Variants in KCNG3 observed in about 807,000 individuals in gnomAD.
KCNG3 encodes the protein potassium voltage-gated channel modifier subfamily G member 3, also known as voltage-gated potassium channel regulatory subunit KCNG3.
KCNG3 carries 15 observed loss-of-function variants against 29.0 expected under a neutral mutation model. The ratio of observed to expected loss-of-function variants is 0.52; its 90% CI spans 0.35 to 0.80. The LOEUF (loss-of-function observed/expected upper bound fraction) is 0.80, where lower values mean the gene tolerates loss of function less well. Among genes scored for constraint, KCNG3 ranks in the 30% least tolerant of loss-of-function variants. The pLI, the probability that KCNG3 is intolerant of heterozygous loss-of-function variation, is 0.01. For synonymous variants in KCNG3, 322 were observed against 248.9 expected (o/e 1.29, Z -2.76); for missense variants, 512 against 605.7 (o/e 0.85, Z 1.62).
the KCNG3 span, among the ~76,000 whole-genome samples, chr2:42,398,115 C>T: frequency 6.6e-6 from 1 of 151,804 alleles, no homozygotes; most frequent in Non-Finnish European, 1.5e-5. Context: ...TCCAGCTACT[C>T]GGAAGGCTGA....
the KCNG3 span, among the ~76,000 whole-genome samples, chr2:42,404,022 T>C: frequency 6.6e-6 from 1 of 152,362 alleles, no homozygotes; most frequent in South Asian, 2.1e-4. Context: ...CTATTTTTCT[T>C]TTCTCTGGAA....
the KCNG3 span, among the ~76,000 whole-genome samples, chr2:42,421,691 G>A: frequency 6.6e-6 from 1 of 152,100 alleles, no homozygotes; most frequent in African/African-American, 2.4e-5. Context: ...TGCAAATGGA[G>A]AACAGAGCAA....
intron 1 of KCNG3, among the ~76,000 whole-genome samples, chr2:42,476,390 T>C (rs137979901): frequency 2.2e-4 from 33 of 152,068 alleles, no homozygotes; most frequent in African/African-American, 4.6e-4. Context: ...AGTGGGAGGA[T>C]TGCCTGAGCC....
chr2:42,404,362 G>A, the KCNG3 span, among the ~76,000 whole-genome samples: 1 of 152,196 alleles, frequency 6.6e-6, no homozygotes, highest in African/African-American at 2.4e-5. Context: ...GACAAGGCTA[G>A]AGAAGTGAGC....
At chr2:42,489,680 GGCTAGGCATTGCACAGTAAGGGACAT>G (rs1275155292) in intron 1 of KCNG3, among the ~76,000 whole-genome samples, 13 of 145,710 alleles carry the variant, frequency 8.9e-5, no homozygotes, top group African/African-American at 2.8e-4. Context: ...AATTTCAGCA[GGCTAGGCATTGCACAGTAAGGGACAT>G]TTGAGTGGCT....
chr2:42,406,398 T>C, the KCNG3 span, among the ~76,000 whole-genome samples: 1 of 151,476 alleles, frequency 6.6e-6, no homozygotes, highest in South Asian at 2.1e-4. Context: ...TTCGTATTTT[T>C]AGTAGAGATG....
intron 1 of KCNG3, among the ~76,000 whole-genome samples, chr2:42,458,990 A>C (rs560637506): frequency 4.6e-5 from 7 of 152,248 alleles, no homozygotes; most frequent in African/African-American, 1.4e-4. Flanking sequence ...TGAGGTCAGG[A>C]GTTCAAGACG....
At position 42,493,135 on chromosome 2, in the gene KCNG3, T is replaced by C; in HGVS notation, c.367A>G (p.Thr123Ala). 1 of 1,604,194 alleles carries C rather than the reference T, an allele frequency of 6.2e-7. No homozygotes were observed. Among genetic ancestry groups the C allele is most frequent in the South Asian group, 1.1e-5 (1 of 90,664 alleles). The change falls in exon 1 of 2, where the codon ACC becomes GCC. Residue 123 changes from threonine (T) to alanine (A), a missense_variant. Physicochemically the swap from Thr to Ala is moderately conservative, Grantham distance 58. Coordinates refer to ENST00000306078, the MANE Select transcript of KCNG3 (RefSeq NM_133329.6). ...QRRLDDRMSD[T>A]YTFYSADEPG... ...TCGTCGGCCGAGTAGAAGGTGTAGG[T>C]GTCGGACATGCGGTCGTCGAGGCGG... is the stretch of plus-strand genomic sequence containing the variant.
the KCNG3 span, among the ~76,000 whole-genome samples, chr2:42,417,034 T>C: frequency 6.6e-6 from 1 of 151,786 alleles, no homozygotes; most frequent in African/African-American, 2.4e-5. Flanking sequence ...GGATCACTTG[T>C]GGTCAAGAGT....
Position 42,451,300 on chromosome 2 carries a change from A to C in KCNG3, c.666-6721T>G, listed in dbSNP as rs565015742. Among the ~76,000 whole-genome samples the C allele has an allele frequency of 2.0e-5, 3 of 150,732 alleles. No homozygotes were observed. In the East Asian group the frequency reaches 5.9e-4, roughly 30 times the overall value. ...AGAATAGCATTTTTTTGTGTGTGCC[A>C]GGGGCAGTGACACACACCTGTAATC... is the stretch of plus-strand genomic sequence containing the variant. On this transcript the variant is annotated intron_variant, in intron 1 of 1. Transcript: ENST00000306078.
chr2:42,476,872 C>A (rs1232003026), intron 1 of KCNG3, among the ~76,000 whole-genome samples: 2 of 151,390 alleles, frequency 1.3e-5, no homozygotes, highest in African/African-American at 4.8e-5. Context: ...TAGAGTCATT[C>A]ACTTTCTCAC....
rs142024638 is a variant in KCNG3, at chr2:42,444,543, G to A, written c.702C>T (p.Ala234=). The change falls in exon 2 of 2, where the codon GCC becomes GCT. Residue 234 remains alanine, a synonymous_variant. Coordinates refer to ENST00000306078, the MANE Select transcript of KCNG3 (RefSeq NM_133329.6). This position sits in a 1 kb window ranked among gnomAD's most constrained non-coding sequence, Gnocchi z 5.8. ...AGACAATGAACCTCACGATGCACTCGGCAGTGAACCAACCTATGCAGATAG... is the reference window on the plus strand; with the variant it reads ...AGACAATGAACCTCACGATGCACTCAGCAGTGAACCAACCTATGCAGATAG... ...IEAICIGWFT[A]ECIVRFIVSK... 42 of 1,613,890 alleles carry A rather than the reference G, an allele frequency of 2.6e-5. No homozygotes were observed. Among genetic ancestry groups the A allele is most frequent in the Middle Eastern group, 1.6e-4 (1 of 6,062 alleles).
intron 1 of KCNG3, among the ~76,000 whole-genome samples, chr2:42,452,465 ATTCT>A (rs1333715841): frequency 3.3e-5 from 5 of 151,524 alleles, no homozygotes; most frequent in African/African-American, 4.8e-5. Flanking sequence ...GGTCTCACTC[ATTCT>A]TTCTAACTAT....
chr2:42,390,107 T>C, the KCNG3 span, among the ~76,000 whole-genome samples: 3 of 152,196 alleles, frequency 2.0e-5, no homozygotes, highest in African/African-American at 4.8e-5. Flanking sequence ...GCATCTCCCA[T>C]GTGAATGTCA....
the KCNG3 span, among the ~76,000 whole-genome samples, chr2:42,416,470 A>T: frequency 6.6e-6 from 1 of 152,272 alleles, no homozygotes; most frequent in East Asian, 1.9e-4. Context: ...CAACCTAAAG[A>T]TCATGAAAAA....
the KCNG3 span, among the ~76,000 whole-genome samples, chr2:42,425,618 A>C: frequency 1.3e-5 from 2 of 152,150 alleles, no homozygotes; most frequent in Non-Finnish European, 2.9e-5. Context: ...ATAATTTCCA[A>C]GATTTTTGAT....
chr2:42,404,303 A>C, the KCNG3 span, among the ~76,000 whole-genome samples: 1 of 80,334 alleles, frequency 1.2e-5, no homozygotes, highest in East Asian at 1.0e-3. Context: ...GATACAAGGA[A>C]GAAGAACCCC....
At chr2:42,437,939 CAAAAA>C (rs58250880), downstream of KCNG3, among the ~76,000 whole-genome samples, 2 of 74,846 alleles carry the variant, frequency 2.7e-5, no homozygotes, top group Non-Finnish European at 2.7e-5. Context: ...ACTCTGTCTC[CAAAAA>C]AAAAAAAAAA....
chr2:42,479,574 A>AG lies in KCNG3; in HGVS notation c.665+13262dup, dbSNP rs1349918351. The stretch of plus-strand genomic sequence containing the variant: ...GGCAGGAGGGTCGCTTGAGCTCAGT[A>AG]GGTCGAGGCTGCAGTGAGCCAAGAT... On this transcript the variant is annotated intron_variant, in intron 1 of 1. Coordinates refer to ENST00000306078, the MANE Select transcript of KCNG3 (RefSeq NM_133329.6). 5.3e-5 allele frequency among the ~76,000 whole-genome samples: 8 copies of AG among 151,524 alleles called. No individual in the cohort carries two copies. The East Asian group carries it at 1.2e-3, about 22-fold the overall frequency.
Sources: allele counts gnomAD v4.1 joint callset (sites outside exome capture counted in the v4.1 genomes callset), GRCh38; gene constraint gnomAD v4.1.1; non-coding constraint Gnocchi (gnomAD v3.1); transcripts MANE v1.5; gene names NCBI Gene and HGNC (gene_info 2026-07-23, HGNC 2026-07-21).